Variants in MAP3K19 observed in about 807,000 individuals in gnomAD.
The protein encoded by MAP3K19 is SPS1/STE20-related protein kinase YSK4.
In MAP3K19, 91 loss-of-function variants were observed where a neutral mutation model predicts 114.4. The ratio of observed to expected loss-of-function variants is 0.80; its 90% CI spans 0.67 to 0.95. MAP3K19 has a LOEUF of 0.95. MAP3K19 is among the 40% of genes least tolerant of loss of function. The pLI is 0.00. For missense variants in MAP3K19, 1,471 were observed against 1,573.2 expected, an observed-to-expected ratio of 0.94 and a Z score of 1.10; for synonymous variants, 518 against 530.5, an observed-to-expected ratio of 0.98 and a Z score of 0.32.
chr2:134,991,554 T>C lies in MAP3K19; in HGVS notation c.601A>G (p.Ser201Gly). 2 of 1,611,194 alleles carry C rather than the reference T, an allele frequency of 1.2e-6. No homozygotes were observed. The highest frequency in any genetic ancestry group is 1.7e-6 in the Non-Finnish European group (2 of 1,178,134). The part of the protein sequence containing the change: ...EEFSTSHMKY[S>G]GRSIKFLLPP... Reference sequence around the variant, plus strand: ...AATCTTACCTTGATGCTTCGGCCACTGTACTTCATATGAGAGGTCGAAAAC... The same window carrying C: ...AATCTTACCTTGATGCTTCGGCCACCGTACTTCATATGAGAGGTCGAAAAC... The change falls in exon 9 of 13, where the codon AGT (serine) becomes GGT (glycine). Residue 201 changes from serine to glycine, a missense_variant. By Grantham distance (56) the Ser-to-Gly change is moderately conservative. Transcript: ENST00000392915.
At chr2:135,016,656 T>C (rs932195382) in intron 5 of MAP3K19, among the ~76,000 whole-genome samples, 5 of 152,218 alleles carry the variant, frequency 3.3e-5, no homozygotes, top group African/African-American at 1.2e-4. Context: ...CATCATTCTA[T>C]TTATTTAAGT....
intron 8 of MAP3K19, among the ~76,000 whole-genome samples, chr2:134,996,895 C>A (rs1052926187): frequency 6.6e-5 from 10 of 151,810 alleles, no homozygotes; most frequent in African/African-American, 2.4e-4. Context: ...AACAAACAAA[C>A]AAAACTAGCC....
At chr2:135,026,510 T>C (rs1688259512) in intron 3 of MAP3K19, among the ~76,000 whole-genome samples, 1 of 152,092 alleles carries the variant, frequency 6.6e-6, no homozygotes, top group East Asian at 1.9e-4. Flanking sequence ...CTCCTTTTTT[T>C]TTCAAAACAA....
chr2:134,992,571 G>A (rs1685660788), intron 8 of MAP3K19, among the ~76,000 whole-genome samples: 1 of 152,170 alleles, frequency 6.6e-6, no homozygotes, highest in African/African-American at 2.4e-5. Context: ...GAGATCATAT[G>A]CCCAACTAAA....
intron 5 of MAP3K19, among the ~76,000 whole-genome samples, chr2:135,016,884 A>G (rs1363913621): frequency 6.6e-6 from 1 of 152,204 alleles, no homozygotes; most frequent in African/African-American, 2.4e-5. Context: ...ATAATACTTT[A>G]AGGTAATGTA....
intron 12 of MAP3K19, among the ~76,000 whole-genome samples, chr2:134,973,770 AC>A (rs1310465987): frequency 6.6e-6 from 1 of 151,916 alleles, no homozygotes; most frequent in African/African-American, 2.4e-5. Context: ...GGTTTCCTCT[AC>A]CTGTGAGTTT....
chr2:134,983,491 G>A (rs12623713), intron 11 of MAP3K19, 185 bp downstream of exon 11: 163,969 of 592,340 alleles, frequency 0.28, 26,294 homozygotes, highest in Middle Eastern at 0.58. Flanking sequence ...CCTTTCAGTC[G>A]GATAAAGCAG....
intron 12 of MAP3K19, among the ~76,000 whole-genome samples, chr2:134,979,156 G>A (rs1033755505): frequency 2.6e-5 from 4 of 152,052 alleles, no homozygotes; most frequent in Admixed American, 6.5e-5. Flanking sequence ...AGATGCTAGG[G>A]TCCTCAGGGT....
chr2:134,970,653 A>C (rs1446743982), intron 12 of MAP3K19, among the ~76,000 whole-genome samples: 5 of 143,452 alleles, frequency 3.5e-5, no homozygotes, highest in Non-Finnish European at 7.5e-5. Flanking sequence ...GCTGGAGTGC[A>C]GTGGTGCGAT....
intron 1 of MAP3K19, among the ~76,000 whole-genome samples, chr2:135,040,827 G>A (rs970690852): frequency 6.6e-6 from 1 of 152,194 alleles, no homozygotes; most frequent in South Asian, 2.1e-4. Flanking sequence ...TGTATCCACA[G>A]TAGAATGGAA....
intron 6 of MAP3K19, among the ~76,000 whole-genome samples, chr2:135,004,971 A>G (rs1686712315): frequency 6.6e-6 from 1 of 152,168 alleles, no homozygotes; most frequent in Non-Finnish European, 1.5e-5. Context: ...TGGACAGGGA[A>G]TGGGTCGGCT....
intron 5 of MAP3K19, among the ~76,000 whole-genome samples, chr2:135,013,742 C>A (rs1259307275): frequency 1.3e-5 from 2 of 152,088 alleles, no homozygotes; most frequent in Non-Finnish European, 2.9e-5. Context: ...TGTTTCCCTC[C>A]TCTGTCCTGC....
At chr2:135,039,958 C>G (rs745396897) in intron 2 of MAP3K19, among the ~76,000 whole-genome samples, 49 of 152,158 alleles carry the variant, frequency 3.2e-4, no homozygotes, top group African/African-American at 9.2e-4. Flanking sequence ...CCCTTTTAAG[C>G]CTTATTATTC....
chr2:134,986,431 G>C lies in MAP3K19; in HGVS notation c.2441C>G (p.Ser814Cys). ...TCTATCACCAGTAGACTCTTCCATA[G>C]AAACTTCTTCAACAATGGATAAATC... ...VSDLSIVEEV[S>C]MEESTGDRDI... The change falls in exon 10 of 13, where the codon TCT becomes TGT. Residue 814 changes from serine (S) to cysteine (C), a missense_variant. Ser to Cys is a moderately radical substitution (Grantham distance 112). Transcript: ENST00000392915. 6.2e-7 allele frequency: 1 copy of C among 1,613,960 alleles called. No homozygotes were observed. Among genetic ancestry groups the C allele is most frequent in the Non-Finnish European group, 8.5e-7 (1 of 1,180,018 alleles).
Position 134,988,159 on chromosome 2 carries a change from A to G in MAP3K19, c.713T>C (p.Ile238Thr), listed in dbSNP as rs376489961. 1.5e-5 allele frequency: 24 copies of G among 1,613,700 alleles called. No individual in the cohort carries two copies. The East Asian group carries it at 4.9e-4, about 33-fold the overall frequency. The change falls in exon 10 of 13, where the codon ATT becomes ACT. Residue 238 changes from isoleucine to threonine, a missense_variant. Physicochemically the swap from Ile to Thr is moderately conservative, Grantham distance 89 (BLOSUM62 -1). Transcript: ENST00000392915. ...AGGCACAAAAGATGTGAGACTTGGA[A>G]TGTTTCTTTCTTTTTCTTTTGGAAA... ...HKFPKEKERNIPSLTSFVPKL... is the reference protein window; with the variant it reads ...HKFPKEKERNTPSLTSFVPKL...
chr2:135,036,990 TA>T (rs1688545240), intron 2 of MAP3K19, among the ~76,000 whole-genome samples: 3 of 137,770 alleles, frequency 2.2e-5, no homozygotes, highest in Admixed American at 2.2e-4. Context: ...GATAAACCAG[TA>T]AAACATTCTT....
At chr2:135,007,379 G>C (rs1396739529) in intron 5 of MAP3K19, among the ~76,000 whole-genome samples, 1 of 152,098 alleles carries the variant, frequency 6.6e-6, no homozygotes, top group East Asian at 1.9e-4. Flanking sequence ...AATGACATCA[G>C]GGTAAATGGA....
chr2:134,998,960 G>A lies in MAP3K19; in HGVS notation c.352C>T (p.His118Tyr). 6.2e-7 allele frequency: 1 copy of A among 1,614,052 alleles called. No homozygotes were observed. The highest frequency in any genetic ancestry group is 8.5e-7 in the Non-Finnish European group (1 of 1,180,014). The change falls in exon 8 of 13, where the codon CAT (histidine) becomes TAT (tyrosine). Residue 118 changes from histidine to tyrosine, a missense_variant. By Grantham distance (83) the His-to-Tyr change is moderately conservative. Coordinates refer to ENST00000392915, the MANE Select transcript of MAP3K19 (RefSeq NM_025052.5). ...ATTTCATTTGGATGAGAAACTGCATGTGCTTGTGCCCATTCTTGAAGCGAT... is the reference window on the plus strand; with the variant it reads ...ATTTCATTTGGATGAGAAACTGCATATGCTTGTGCCCATTCTTGAAGCGAT... ...NSSLQEWAQA[H>Y]AVSHPNEIET...
chr2:134,974,582 A>T (rs1684098257), intron 12 of MAP3K19, among the ~76,000 whole-genome samples: 1 of 152,206 alleles, frequency 6.6e-6, no homozygotes, highest in Admixed American at 6.5e-5. Context: ...CTGTCTTTAA[A>T]TAGATTTTCT....
Sources: gnomAD v4.1 joint callset for allele counts (sites outside exome capture counted in the v4.1 genomes callset) on GRCh38, gnomAD v4.1.1 for gene constraint, MANE v1.5 for transcripts, NCBI Gene and HGNC (gene_info 2026-07-23, HGNC 2026-07-21) for gene names.